The following LARGE1 variants were observed in gnomAD, a reference collection of about 807,000 sequenced individuals.
LARGE1 encodes xylosyl- and glucuronyltransferase LARGE1.
In LARGE1, 43 loss-of-function variants were observed where a neutral mutation model predicts 87.6. The observed-to-expected ratio is 0.49, with a 90% CI of 0.38 to 0.63. The LOEUF (loss-of-function observed/expected upper bound fraction) is 0.63. LARGE1 is among the 30% of genes least tolerant of loss of function. The probability of loss-of-function intolerance (pLI) is 0.00; values close to 1 mark genes in which losing one functional copy is unlikely to be tolerated. For synonymous variants in LARGE1, 434 were observed against 394.6 expected, an observed-to-expected ratio of 1.10 and a Z score of -1.18; for missense variants, 802 against 1,000.2, an observed-to-expected ratio of 0.80 and a Z score of 2.67.
chr22:33,148,936 G>GTATCTCTCCAAATTTTTTTTT, the LARGE1 span, among the ~76,000 whole-genome samples: 28 of 151,896 alleles, frequency 1.8e-4, no homozygotes, highest in Non-Finnish European at 4.4e-5. Flanking sequence ...ACTAAATTTG[G>GTATCTCTCCAAATTTTTTTTT]AGAGTGATTT....
chr22:33,879,219 G>A (rs2064586308), intron 1 of LARGE1, among the ~76,000 whole-genome samples: 1 of 152,168 alleles, frequency 6.6e-6, no homozygotes, highest in South Asian at 2.1e-4. Context: ...GCCCGCCTCG[G>A]CCTCCCAAAG....
chr22:33,909,738 C>G (rs1468446249), intron 1 of LARGE1, among the ~76,000 whole-genome samples: 1 of 151,988 alleles, frequency 6.6e-6, no homozygotes, highest in Non-Finnish European at 1.5e-5. Context: ...CGGGGTTTCA[C>G]CGCGTTAGTC....
At chr22:33,337,350 C>T (rs1002210398) in intron 10 of LARGE1, among the ~76,000 whole-genome samples, 2 of 152,164 alleles carry the variant, frequency 1.3e-5, no homozygotes, top group Admixed American at 6.5e-5. Flanking sequence ...ATGAGAGACA[C>T]TTGATCTTTC....
chr22:33,754,437 G>T (rs2084433408), intron 2 of LARGE1, among the ~76,000 whole-genome samples: 1 of 151,704 alleles, frequency 6.6e-6, no homozygotes, highest in Non-Finnish European at 1.5e-5. Flanking sequence ...CCAGGTTCAT[G>T]CCATTCACCT....
the LARGE1 span, among the ~76,000 whole-genome samples, chr22:33,067,516 A>G: frequency 1.3e-5 from 2 of 152,178 alleles, no homozygotes; most frequent in African/African-American, 4.8e-5. Flanking sequence ...GAATTCTTTC[A>G]GTGACACTTT....
In LARGE1 at chr22:33,298,828, G is replaced by A. The variant is rs180860477; in HGVS notation, c.1730+5401C>T. On this transcript the variant is annotated intron_variant, in intron 12 of 14. Coordinates refer to ENST00000397394, the MANE Select transcript of LARGE1 (RefSeq NM_133642.5). ...CCTGGGTGACAGAGCAAGACCCTGTGTCTAAAGAGAAGTAAAGGAAAGAAA... is the reference window on the plus strand; with the variant it reads ...CCTGGGTGACAGAGCAAGACCCTGTATCTAAAGAGAAGTAAAGGAAAGAAA... Among the ~76,000 whole-genome samples, 407 of 151,662 alleles carry A rather than the reference G, an allele frequency of 2.7e-3. 2 individuals carry two copies. The highest frequency in any genetic ancestry group is 8.7e-3 in the African/African-American group (361 of 41,312).
At chr22:33,505,520 T>G (rs1451992409) in intron 6 of LARGE1, among the ~76,000 whole-genome samples, 3 of 152,178 alleles carry the variant, frequency 2.0e-5, no homozygotes, top group Admixed American at 1.3e-4. Context: ...CTCACACATC[T>G]GAAGGGTGAT....
chr22:33,823,936 G>A (rs1259311881), intron 1 of LARGE1, among the ~76,000 whole-genome samples: 1 of 152,140 alleles, frequency 6.6e-6, no homozygotes, highest in Non-Finnish European at 1.5e-5. Context: ...GCCCTGTTAA[G>A]TGTCTACCAG....
chr22:33,695,715 A>G (rs921976894), intron 2 of LARGE1, among the ~76,000 whole-genome samples: 1 of 152,212 alleles, frequency 6.6e-6, no homozygotes, highest in South Asian at 2.1e-4. Context: ...AGGATTCAAT[A>G]ATGTTTATGG....
intron 2 of LARGE1, among the ~76,000 whole-genome samples, chr22:33,664,173 C>G (rs1422923936): frequency 6.6e-6 from 1 of 152,198 alleles, no homozygotes. Context: ...GTGTATACAC[C>G]GTGGCCATTC....
chr22:33,078,257 A>C, the LARGE1 span, among the ~76,000 whole-genome samples: 1 of 152,180 alleles, frequency 6.6e-6, no homozygotes, highest in Non-Finnish European at 1.5e-5. Flanking sequence ...AAGTCTGCCA[A>C]ATTGTCATCA....
intron 1 of LARGE1, among the ~76,000 whole-genome samples, chr22:33,772,664 C>T (rs1446436496): frequency 5.9e-5 from 9 of 152,094 alleles, no homozygotes; most frequent in Admixed American, 5.2e-4. Flanking sequence ...TGTCTATCAC[C>T]GTGCTGCGGT....
intron 11 of LARGE1, among the ~76,000 whole-genome samples, chr22:33,259,122 C>T (rs967950873): frequency 2.0e-5 from 3 of 152,152 alleles, no homozygotes; most frequent in Non-Finnish European, 4.4e-5. Flanking sequence ...TTGTGATTTG[C>T]CCGCCTTGGC....
At chr22:33,911,101 CCTGGCACAAAAGAAACA>C (rs1338776724) in intron 1 of LARGE1, among the ~76,000 whole-genome samples, 2 of 152,162 alleles carry the variant, frequency 1.3e-5, no homozygotes, top group African/African-American at 4.8e-5. Flanking sequence ...TGAGAGAGTG[CCTGGCACAAAAGAAACA>C]CTGGAAGAAC....
At chr22:33,360,251 T>G (rs1288049762) in intron 9 of LARGE1, among the ~76,000 whole-genome samples, 1 of 149,238 alleles carries the variant, frequency 6.7e-6, no homozygotes, top group Non-Finnish European at 1.5e-5. Context: ...AGGTGGAGGT[T>G]GCAGTGAGCC....
chr22:33,152,827 G>A, the LARGE1 span, among the ~76,000 whole-genome samples: 3 of 152,036 alleles, frequency 2.0e-5, no homozygotes, highest in Non-Finnish European at 4.4e-5. Flanking sequence ...ATTATGTCCC[G>A]CATATAGTTT....
chr22:33,761,445 A>C lies in LARGE1; in HGVS notation c.32T>G (p.Phe11Cys). ...GAGAAGACTCAACGAGGCAGCCAAG[A>C]ATTTCCGTCTCCCCCTGCAGATTCC... is the stretch of plus-strand genomic sequence containing the variant. Reference protein sequence around the residue: MLGICRGRRKFLAASLSLLCI... With the variant: MLGICRGRRKCLAASLSLLCI... Residue 11 changes from phenylalanine (F) to cysteine (C), a missense_variant, in exon 2 of 15, where the codon TTC becomes TGC. This residue lies in a region of LARGE1 where 177 missense variants were observed against 158.3 expected (regional missense o/e 1.12). Transcript: ENST00000397394. The C allele has an allele frequency of 6.2e-7, 1 of 1,614,006 alleles. No individual in the cohort carries two copies.
intron 1 of LARGE1, among the ~76,000 whole-genome samples, chr22:33,862,935 C>G (rs188663145): frequency 6.6e-6 from 1 of 152,174 alleles, no homozygotes; most frequent in East Asian, 1.9e-4. Flanking sequence ...AGGGCCTGGC[C>G]AATTTCTAGT....
At chr22:33,229,937 A>G (rs1204199105) in intron 11 of LARGE1, among the ~76,000 whole-genome samples, 2 of 151,754 alleles carry the variant, frequency 1.3e-5, no homozygotes, top group Admixed American at 1.3e-4. Flanking sequence ...GATTGACAGC[A>G]GAGTCTCATA....
Sources: gnomAD v4.1 joint callset for allele counts (sites outside exome capture counted in the v4.1 genomes callset) on GRCh38, gnomAD v4.1.1 for gene constraint, gnomAD v4.1.1 regional missense constraint, MANE v1.5 for transcripts, NCBI Gene and HGNC (gene_info 2026-07-23, HGNC 2026-07-21) for gene names.